MICU1: variants seen among roughly 807,000 people sequenced by gnomAD.
MICU1 encodes calcium uptake protein 1, mitochondrial.
A neutral mutation model predicts 56.8 loss-of-function variants in MICU1; 45 were observed. That is an observed-to-expected ratio of 0.79 (90% CI 0.62 to 1.02). The LOEUF (loss-of-function observed/expected upper bound fraction) is 1.02, where lower values mean the gene tolerates loss of function less well. Ranked by LOEUF, MICU1 falls within the 50% of genes least tolerant of loss-of-function variation. The pLI, the probability that MICU1 is intolerant of heterozygous loss-of-function variation, is 0.00. For missense variants in MICU1, 504 were observed against 587.1 expected, an observed-to-expected ratio of 0.86 and a Z score of 1.46; for synonymous variants, 186 against 195.1, an observed-to-expected ratio of 0.95 and a Z score of 0.39.
At chr10:72,424,321 C>G (rs539371568) in intron 8 of MICU1, among the ~76,000 whole-genome samples, 1 of 152,236 alleles carries the variant, frequency 6.6e-6, no homozygotes, top group South Asian at 2.1e-4. Flanking sequence ...CCATGTTGGC[C>G]AGGCTGGTCT....
chr10:72,460,260 C>T (rs1335877988), intron 8 of MICU1, among the ~76,000 whole-genome samples: 1 of 152,160 alleles, frequency 6.6e-6, no homozygotes, highest in Non-Finnish European at 1.5e-5. Flanking sequence ...ATTGGTTGCT[C>T]TATTTCCCTA....
intron 1 of MICU1, among the ~76,000 whole-genome samples, chr10:72,620,836 C>T (rs939886248): frequency 5.9e-5 from 9 of 152,146 alleles, no homozygotes; most frequent in African/African-American, 2.2e-4. Context: ...TGTCCAATTC[C>T]ACAGCTACCT....
chr10:72,523,299 T>G (rs11815614), intron 5 of MICU1, among the ~76,000 whole-genome samples: 2 of 151,950 alleles, frequency 1.3e-5, no homozygotes, highest in Non-Finnish European at 2.9e-5. Flanking sequence ...ATCTGATCTA[T>G]TCGGTACTCT....
chr10:72,398,582 T>C (rs1863345199), intron 10 of MICU1, among the ~76,000 whole-genome samples: 1 of 151,526 alleles, frequency 6.6e-6, no homozygotes, highest in Admixed American at 6.6e-5. Context: ...AAGAATCAAA[T>C]AGACACAGTA....
At chr10:72,607,683 G>A (rs1841729833) in intron 1 of MICU1, among the ~76,000 whole-genome samples, 1 of 151,576 alleles carries the variant, frequency 6.6e-6, no homozygotes, top group Admixed American at 6.6e-5. Flanking sequence ...TAAGTAAAGT[G>A]CCTTCTTGAG....
At chr10:72,498,518 G>A (rs760754369) in intron 6 of MICU1, among the ~76,000 whole-genome samples, 6 of 152,104 alleles carry the variant, frequency 3.9e-5, no homozygotes, top group East Asian at 1.9e-4. Flanking sequence ...CCCAGGAGGC[G>A]GAGGTTGCAG....
At chr10:72,593,096 T>G (rs1330545617) in intron 1 of MICU1, among the ~76,000 whole-genome samples, 2 of 151,818 alleles carry the variant, frequency 1.3e-5, no homozygotes, top group East Asian at 3.9e-4. Flanking sequence ...AATTCCATAC[T>G]CTTTCATAAT....
intron 6 of MICU1, among the ~76,000 whole-genome samples, chr10:72,500,878 A>G (rs1867047272): frequency 1.3e-5 from 2 of 152,190 alleles, no homozygotes. Context: ...CCTTCTCTAT[A>G]TCTAGTTATG....
intron 3 of MICU1, among the ~76,000 whole-genome samples, chr10:72,554,924 A>G (rs1324717121): frequency 1.3e-5 from 2 of 152,194 alleles, no homozygotes; most frequent in Non-Finnish European, 1.5e-5. Flanking sequence ...CTGAGGCAGG[A>G]GAATCTCTTG....
At chr10:72,511,326 C>T (rs1310984759) in intron 5 of MICU1, among the ~76,000 whole-genome samples, 2 of 152,058 alleles carry the variant, frequency 1.3e-5, no homozygotes, top group East Asian at 1.9e-4. Context: ...ACCATAATCC[C>T]GAATGTTGAA....
chr10:72,609,894 G>T lies in MICU1; in HGVS notation c.-2+16116C>A, dbSNP rs185288045. ...ACTAAAAATACAAAAAATTAGCTGG[G>T]TGTGGTGGTGCGTGCCTGTAATCCT... On this transcript the variant is annotated intron_variant, in intron 1 of 11. Coordinates refer to ENST00000361114, the MANE Select transcript of MICU1 (RefSeq NM_001195518.2). Among the ~76,000 whole-genome samples the T allele has an allele frequency of 3.9e-3, 596 of 151,984 alleles. 4 individuals are homozygous for T. The highest frequency in any genetic ancestry group is 0.013 in the African/African-American group (554 of 41,416).
intron 5 of MICU1, among the ~76,000 whole-genome samples, chr10:72,521,266 T>TTTAG (rs1373660229): frequency 6.6e-6 from 1 of 152,126 alleles, no homozygotes; most frequent in Non-Finnish European, 1.5e-5. Context: ...TCTAAACTGC[T>TTTAG]TTAGTAACTA....
At position 72,443,232 on chromosome 10, in the gene MICU1, G is replaced by C. The variant is rs372243974; in HGVS notation, c.934-19861C>G. 4.7e-4 allele frequency among the ~76,000 whole-genome samples: 72 copies of C among 152,124 alleles called. 2 individuals carry two copies. In the East Asian group the frequency reaches 0.014, roughly 29 times the overall value. On this transcript the variant is annotated intron_variant, in intron 8 of 11. Coordinates refer to ENST00000361114, the MANE Select transcript of MICU1 (RefSeq NM_001195518.2). The stretch of plus-strand genomic sequence containing the variant: ...TGATGGGGTTGTTTGTTTTTTCCTT[G>C]TAAATTTGTTTGAGTTCATTGTAGA...
intron 8 of MICU1, among the ~76,000 whole-genome samples, chr10:72,428,044 A>G (rs918482344): frequency 6.6e-6 from 1 of 152,152 alleles, no homozygotes; most frequent in African/African-American, 2.4e-5. Flanking sequence ...TGTTACTGCA[A>G]TTGACAAGGG....
chr10:72,428,832 G>T (rs1371892558), intron 8 of MICU1, among the ~76,000 whole-genome samples: 3 of 152,106 alleles, frequency 2.0e-5, no homozygotes, highest in Non-Finnish European at 4.4e-5. Flanking sequence ...AAATATTTTA[G>T]ATTTGGAACA....
At chr10:72,405,345 G>C (rs1863592589) in intron 10 of MICU1, among the ~76,000 whole-genome samples, 1 of 151,988 alleles carries the variant, frequency 6.6e-6, no homozygotes, top group Non-Finnish European at 1.5e-5. Flanking sequence ...TCAGCCTCCT[G>C]AGTAGCTGGG....
At chr10:72,387,056 C>T (rs1306101588) in intron 10 of MICU1, among the ~76,000 whole-genome samples, 2 of 152,198 alleles carry the variant, frequency 1.3e-5, no homozygotes, top group Non-Finnish European at 2.9e-5. Context: ...AGTCAGTTCA[C>T]TTTCATAAAG....
intron 10 of MICU1, among the ~76,000 whole-genome samples, chr10:72,405,418 A>C (rs1307882641): frequency 6.6e-6 from 1 of 151,922 alleles, no homozygotes; most frequent in Non-Finnish European, 1.5e-5. Flanking sequence ...ACAGAGTTTC[A>C]CCATGTTGGC....
intron 6 of MICU1, among the ~76,000 whole-genome samples, chr10:72,503,959 A>G (rs1226578553): frequency 3.3e-5 from 5 of 152,080 alleles, no homozygotes; most frequent in African/African-American, 4.8e-5. Context: ...GAGAACCACA[A>G]AACACTGCTG....
Sources: allele counts gnomAD v4.1 joint callset (sites outside exome capture counted in the v4.1 genomes callset), GRCh38; gene constraint gnomAD v4.1.1; transcripts MANE v1.5; gene names NCBI Gene and HGNC (gene_info 2026-07-23, HGNC 2026-07-21).